Variants in CBR4 observed in about 807,000 individuals in gnomAD.
CBR4 encodes the protein 3-oxoacyl-[acyl-carrier-protein] reductase.
A neutral mutation model predicts 21.0 loss-of-function variants in CBR4; 22 were observed. That is an observed-to-expected ratio of 1.05 (90% CI 0.75 to 1.50). The LOEUF (loss-of-function observed/expected upper bound fraction) is 1.50. Among genes scored for constraint, CBR4 ranks in the 40% most tolerant of loss-of-function variants. The pLI is 0.00. For missense variants in CBR4, 302 were observed against 286.3 expected, an observed-to-expected ratio of 1.05 and a Z score of -0.40; for synonymous variants, 100 against 104.4, an observed-to-expected ratio of 0.96 and a Z score of 0.26.
chr4:168,956,617 A>AC (rs1763694766), intron 2 of CBR4, among the ~76,000 whole-genome samples: 1 of 151,014 alleles, frequency 6.6e-6, no homozygotes, highest in Admixed American at 6.6e-5. Context: ...AAAAAAAAAA[A>AC]AAAAAAAAAA....
chr4:168,907,641 T>C (rs1439583930), intron 2 of CBR4, among the ~76,000 whole-genome samples: 1 of 152,174 alleles, frequency 6.6e-6, no homozygotes, highest in African/African-American at 2.4e-5. Context: ...ACTGCCCTTA[T>C]TCCAGGCCCC....
chr4:168,904,871 A>T (rs1332684565), intron 2 of CBR4, among the ~76,000 whole-genome samples: 1 of 152,144 alleles, frequency 6.6e-6, no homozygotes, highest in Non-Finnish European at 1.5e-5. Context: ...TCACATCTGT[A>T]GTCCCAGCAC....
At position 169,009,929 on chromosome 4, in the gene CBR4, A is replaced by G. The variant is rs1199309006; in HGVS notation, c.142+19T>C. ...TGGACCGCGGCCATACAACTGGACAACTCCAGTTTGGTACCTACCGCCGAG... is the reference window on the plus strand; with the variant it reads ...TGGACCGCGGCCATACAACTGGACAGCTCCAGTTTGGTACCTACCGCCGAG... On this transcript the variant is annotated intron_variant, in intron 1 of 4. Coordinates refer to ENST00000306193, the MANE Select transcript of CBR4 (RefSeq NM_032783.5). 1 of 1,604,312 alleles carries G rather than the reference A, an allele frequency of 6.2e-7. No individual in the cohort carries two copies. Among genetic ancestry groups the G allele is most frequent in the Non-Finnish European group, 8.5e-7 (1 of 1,175,910 alleles).
At chr4:168,900,306 T>C (rs1214751823) in intron 2 of CBR4, among the ~76,000 whole-genome samples, 3 of 152,148 alleles carry the variant, frequency 2.0e-5, no homozygotes, top group Non-Finnish European at 4.4e-5. Flanking sequence ...AGAGTCATAG[T>C]ACAAGAAACA....
intron 1 of CBR4, 63 bp downstream of exon 1, chr4:169,009,882 AAGG>A (rs1387658508): frequency 5.5e-6 from 8 of 1,456,064 alleles, no homozygotes; most frequent in African/African-American, 1.4e-5. Flanking sequence ...TCTTTTTACA[AAGG>A]AGATTTTCTT....
Position 169,006,826 on chromosome 4 carries a change from C to T in CBR4, c.329G>A (p.Gly110Asp). 1 of 1,613,056 alleles carries T rather than the reference C, an allele frequency of 6.2e-7. No homozygotes were observed. The highest frequency in any genetic ancestry group is 8.5e-7 in the Non-Finnish European group (1 of 1,179,056). ...MVSQLHTNLL[G>D]SMLTCKAAMR... ...GGCAGCTTTACAGGTCAGCATGGAACCCAAGAGGTTAGTATGAAGCTGAGA... is the reference window on the plus strand; with the variant it reads ...GGCAGCTTTACAGGTCAGCATGGAATCCAAGAGGTTAGTATGAAGCTGAGA... The change falls in exon 3 of 5, where the codon GGT becomes GAT. Residue 110 changes from glycine to aspartate, a missense_variant. Gly to Asp is a moderately conservative substitution (Grantham distance 94). Coordinates refer to ENST00000306193, the MANE Select transcript of CBR4 (RefSeq NM_032783.5).
chr4:168,948,101 T>C (rs966994849), intron 2 of CBR4, among the ~76,000 whole-genome samples: 1 of 152,184 alleles, frequency 6.6e-6, no homozygotes. Flanking sequence ...CACACTGTGG[T>C]TTTGATTTGC....
At chr4:168,922,735 A>G (rs914671544) in intron 2 of CBR4, among the ~76,000 whole-genome samples, 4 of 152,204 alleles carry the variant, frequency 2.6e-5, no homozygotes, top group Non-Finnish European at 4.4e-5. Flanking sequence ...AAAGTACTCT[A>G]TATTCTTACA....
intron 2 of CBR4, among the ~76,000 whole-genome samples, chr4:168,917,199 C>T (rs1760347518): frequency 6.6e-6 from 1 of 151,620 alleles, no homozygotes; most frequent in Non-Finnish European, 1.5e-5. Context: ...CAGGCACGCA[C>T]CACCACGCCC....
At chr4:168,927,709 G>T (rs1049511608) in intron 2 of CBR4, 5 of 223,984 alleles carry the variant, frequency 2.2e-5, no homozygotes, top group Non-Finnish European at 3.6e-5. Flanking sequence ...AGGCATCTCG[G>T]TAAAGACTGC....
intron 2 of CBR4, among the ~76,000 whole-genome samples, chr4:168,980,658 C>T (rs1764520870): frequency 6.6e-6 from 1 of 152,124 alleles, no homozygotes; most frequent in Non-Finnish European, 1.5e-5. Flanking sequence ...ATCACTTGAA[C>T]CTGGAAGATG....
chr4:168,964,504 T>TA (rs1490467743), intron 2 of CBR4, among the ~76,000 whole-genome samples: 2 of 152,084 alleles, frequency 1.3e-5, no homozygotes, highest in Admixed American at 6.6e-5. Context: ...TAAGCAGTGG[T>TA]AAAAATGTCA....
intron 2 of CBR4, among the ~76,000 whole-genome samples, chr4:168,954,593 T>C (rs1197739952): frequency 6.6e-6 from 1 of 152,244 alleles, no homozygotes; most frequent in Non-Finnish European, 1.5e-5. Flanking sequence ...TAGCATATTC[T>C]ACACTCAGTC....
intron 2 of CBR4, among the ~76,000 whole-genome samples, chr4:168,971,889 A>G (rs12649035): frequency 0.7 from 105,318 of 151,438 alleles, 38,003 homozygotes; most frequent in East Asian, 0.96. Context: ...GAGTTTTTCC[A>G]GTGTTATCTT....
At chr4:168,967,300 G>C (rs1263302541) in intron 2 of CBR4, among the ~76,000 whole-genome samples, 1 of 151,646 alleles carries the variant, frequency 6.6e-6, no homozygotes, top group East Asian at 1.9e-4. Flanking sequence ...GGTGGGAGTT[G>C]AACAATGAGA....
At chr4:168,899,954 G>A (rs1235847036) in intron 2 of CBR4, among the ~76,000 whole-genome samples, 1 of 152,034 alleles carries the variant, frequency 6.6e-6, no homozygotes, top group Non-Finnish European at 1.5e-5. Context: ...GGCTTTACTG[G>A]CTCACAGTTC....
chr4:168,963,496 G>T (rs1445167616), intron 2 of CBR4, among the ~76,000 whole-genome samples: 1 of 147,316 alleles, frequency 6.8e-6, no homozygotes, highest in Non-Finnish European at 1.5e-5. Flanking sequence ...TTGAGATGGA[G>T]TCTCACTCTT....
At position 168,990,284 on chromosome 4, in the gene CBR4, A is replaced by C; in HGVS notation, c.580T>G (p.Leu194Val). Residue 194 changes from leucine (L) to valine (V), a missense_variant, in exon 5 of 5, where the codon TTA (leucine) becomes GTA (valine). Leu to Val is a conservative substitution (Grantham distance 32). Coordinates refer to ENST00000306193, the MANE Select transcript of CBR4 (RefSeq NM_032783.5). ...CTCCCAAGAGGAATATTTTTCTTTA[A>C]ATGTTCTTCTTTCAAGTCTTTCGTC... is the stretch of plus-strand genomic sequence containing the variant. ...DMTKDLKEEH[L>V]KKNIPLGRFG... The C allele has an allele frequency of 6.2e-7, 1 of 1,612,020 alleles. No individual in the cohort carries two copies. Among genetic ancestry groups the C allele is most frequent in the Non-Finnish European group, 8.5e-7 (1 of 1,178,816 alleles).
At chr4:168,966,356 C>CAAAAAAAAAAAAAA (rs1215042926) in intron 2 of CBR4, among the ~76,000 whole-genome samples, 3 of 75,180 alleles carry the variant, frequency 4.0e-5, no homozygotes, top group African/African-American at 5.5e-5. Flanking sequence ...ACTAAAAATA[C>CAAAAAAAAAAAAAA]AAAAAAAAAA....
Sources: allele counts gnomAD v4.1 joint callset (sites outside exome capture counted in the v4.1 genomes callset), GRCh38; gene constraint gnomAD v4.1.1; transcripts MANE v1.5; gene names NCBI Gene and HGNC (gene_info 2026-07-23, HGNC 2026-07-21).